The following STAG1 variants were observed in gnomAD, a reference collection of about 807,000 sequenced individuals.
The protein encoded by STAG1 is cohesin subunit SA-1.
Under a neutral mutation model 170.9 loss-of-function variants are expected in STAG1, and 26 were observed. The observed-to-expected ratio is 0.15, with a 90% CI of 0.11 to 0.21. The LOEUF (loss-of-function observed/expected upper bound fraction) is 0.21, where lower values mean the gene tolerates loss of function less well. Among genes scored for constraint, STAG1 ranks in the 10% least tolerant of loss-of-function variants. STAG1 has a pLI of 1.00. For missense variants in STAG1, 964 were observed against 1,509.5 expected (o/e 0.64, Z 5.99); for synonymous variants, 514 against 497.7 (o/e 1.03, Z -0.44).
chr3:136,366,192 G>C (rs1483100876), intron 25 of STAG1, among the ~76,000 whole-genome samples: 2 of 151,892 alleles, frequency 1.3e-5, no homozygotes, highest in South Asian at 2.1e-4. Context: ...GACCTTGAAA[G>C]GTTTACCTCT....
At chr3:136,519,340 C>A (rs1934547381) in intron 7 of STAG1, among the ~76,000 whole-genome samples, 1 of 152,112 alleles carries the variant, frequency 6.6e-6, no homozygotes, top group Admixed American at 6.5e-5. Flanking sequence ...ATCTTGAGAA[C>A]TGTAAACTAA....
intron 6 of STAG1, among the ~76,000 whole-genome samples, chr3:136,531,648 A>G (rs1024563487): frequency 6.6e-6 from 1 of 151,248 alleles, no homozygotes; most frequent in Non-Finnish European, 1.5e-5. Flanking sequence ...TTCTCAGTAA[A>G]CTATCGCAAG....
rs369262080 is a variant in STAG1, at chr3:136,444,785, TA to T, written c.1429-1382del. On this transcript the variant is annotated intron_variant, in intron 14 of 33. Transcript: ENST00000383202. ...AGATCTACTATTGGTTATCTACTGT[TA>T]TCTTGGCACATTCAGCACTTGAGTT... 5.7e-4 allele frequency among the ~76,000 whole-genome samples: 87 copies of T among 152,346 alleles called. No individual in the cohort carries two copies. In the East Asian group the frequency reaches 0.015, roughly 27 times the overall value.
chr3:136,459,780 A>G (rs1357032276), intron 13 of STAG1, among the ~76,000 whole-genome samples: 1 of 152,244 alleles, frequency 6.6e-6, no homozygotes, highest in Non-Finnish European at 1.5e-5. Context: ...TCAAAGAAGA[A>G]ATTTTAGAAT....
At chr3:136,526,980 T>C (rs1488737458) in intron 6 of STAG1, among the ~76,000 whole-genome samples, 2 of 152,218 alleles carry the variant, frequency 1.3e-5, no homozygotes, top group Non-Finnish European at 2.9e-5. Flanking sequence ...TCTGATGGGC[T>C]TCCCTTTGTG....
At chr3:136,688,698 A>G (rs1207004327) in intron 1 of STAG1, among the ~76,000 whole-genome samples, 3 of 152,192 alleles carry the variant, frequency 2.0e-5, no homozygotes, top group Non-Finnish European at 4.4e-5. Flanking sequence ...GGCCAAGAGT[A>G]TAATTTTTAT....
At chr3:136,544,281 C>G (rs1445345136) in intron 5 of STAG1, among the ~76,000 whole-genome samples, 1 of 152,092 alleles carries the variant, frequency 6.6e-6, no homozygotes, top group Non-Finnish European at 1.5e-5. Flanking sequence ...TCAACCCTGT[C>G]CCTCCTCAGT....
chr3:136,438,240 C>CTTTTTT (rs371190637), intron 15 of STAG1, among the ~76,000 whole-genome samples: 102 of 128,118 alleles, frequency 8.0e-4, no homozygotes, highest in East Asian at 1.4e-3. Flanking sequence ...AGTTTCTTTT[C>CTTTTTT]TTTTTTTTTT....
chr3:136,339,238 T>G (rs1935838780), intron 32 of STAG1, among the ~76,000 whole-genome samples: 1 of 151,984 alleles, frequency 6.6e-6, no homozygotes, highest in Admixed American at 6.6e-5. Flanking sequence ...TCCAGAAATG[T>G]GATAAAAAAA....
intron 3 of STAG1, among the ~76,000 whole-genome samples, chr3:136,613,043 C>T (rs1460577082): frequency 6.6e-6 from 1 of 152,078 alleles, no homozygotes; most frequent in Non-Finnish European, 1.5e-5. Flanking sequence ...TGGCTCACAC[C>T]TGTAATCCCA....
chr3:136,632,746 G>A (rs1327192324), intron 1 of STAG1, among the ~76,000 whole-genome samples: 1 of 152,162 alleles, frequency 6.6e-6, no homozygotes, highest in African/African-American at 2.4e-5. Context: ...GAGGAGGCCT[G>A]AGAGAAGCAT....
rs777184101 is a variant in STAG1, at chr3:136,369,276, T to A, written c.2377A>T (p.Met793Leu). ...ATCATCAGAAGATCACAGAGTAACA[T>A]GAAAGCCTGGAATACAAAGGCAATT... ...VNTPVKEQAFMLLCDLLMIFS... is the reference protein window; with the variant it reads ...VNTPVKEQAFLLLCDLLMIFS... Residue 793 changes from methionine to leucine, a missense_variant, in exon 24 of 34, where the codon ATG becomes TTG. Met to Leu is a conservative substitution (Grantham distance 15). Around this residue, in one of 11 missense-constraint regions of STAG1, gnomAD observed 232 missense variants for 313.0 expected, o/e 0.74. Coordinates refer to ENST00000383202, the MANE Select transcript of STAG1 (RefSeq NM_005862.3). 6.3e-7 allele frequency: 1 copy of A among 1,584,028 alleles called. No individual in the cohort carries two copies. Among genetic ancestry groups the A allele is most frequent in the Non-Finnish European group, 8.5e-7 (1 of 1,171,820 alleles).
At chr3:136,466,948 A>C (rs2089480074) in intron 12 of STAG1, among the ~76,000 whole-genome samples, 1 of 152,152 alleles carries the variant, frequency 6.6e-6, no homozygotes, top group South Asian at 2.1e-4. Context: ...GAGACAAACA[A>C]ATGCTAAGAG....
At chr3:136,590,868 T>C (rs940174) in intron 4 of STAG1, among the ~76,000 whole-genome samples, 54,727 of 152,060 alleles carry the variant, frequency 0.36, 12,402 homozygotes, top group East Asian at 0.81. Context: ...AGTTCACTGA[T>C]GGACGTAAAT....
Position 136,561,438 on chromosome 3 carries a change from C to T in STAG1, c.394+7327G>A, listed in dbSNP as rs182457511. Among the ~76,000 whole-genome samples, 283 of 152,330 alleles carry T rather than the reference C, an allele frequency of 1.9e-3. 2 individuals are homozygous for T. Among genetic ancestry groups the T allele is most frequent in the South Asian group, 0.011 (54 of 4,830 alleles). ...TGCACTGGAAATTTATCCTGGTTTA[C>T]ACCATCACAGTGAAATGTAAATCTG... On this transcript the variant is annotated intron_variant, in intron 5 of 33. Coordinates refer to ENST00000383202, the MANE Select transcript of STAG1 (RefSeq NM_005862.3).
intron 2 of STAG1, among the ~76,000 whole-genome samples, chr3:136,624,420 C>T (rs954434025): frequency 7.9e-5 from 12 of 152,172 alleles, no homozygotes; most frequent in African/African-American, 2.9e-4. Context: ...ATCTAACCTA[C>T]AGCTGCAACT....
intron 1 of STAG1, among the ~76,000 whole-genome samples, chr3:136,677,963 A>AAT (rs1382128721): frequency 6.1e-5 from 9 of 147,154 alleles, no homozygotes; most frequent in East Asian, 2.0e-4. Flanking sequence ...ATATGTATAT[A>AAT]ATATATATAT....
At chr3:136,402,372 C>T (rs984289545) in intron 21 of STAG1, among the ~76,000 whole-genome samples, 15 of 151,758 alleles carry the variant, frequency 9.9e-5, no homozygotes, top group Non-Finnish European at 1.3e-4. Flanking sequence ...TGCGTGCCAC[C>T]ACACCCGGCT....
At chr3:136,447,255 C>T (rs1050731119) in intron 14 of STAG1, among the ~76,000 whole-genome samples, 4 of 151,652 alleles carry the variant, frequency 2.6e-5, no homozygotes, top group Admixed American at 2.0e-4. Context: ...GGGGCCAAGG[C>T]GGGCAGCAAG....
Sources: allele counts gnomAD v4.1 joint callset (sites outside exome capture counted in the v4.1 genomes callset), GRCh38; gene constraint gnomAD v4.1.1; regional missense constraint gnomAD v4.1.1; transcripts MANE v1.5; gene names NCBI Gene and HGNC (gene_info 2026-07-23, HGNC 2026-07-21).